MYH15: variants seen among roughly 807,000 people sequenced by gnomAD.
The protein encoded by MYH15 is myosin heavy chain 15, also known as myosin-15.
Under a neutral mutation model 240.5 loss-of-function variants are expected in MYH15, and 227 were observed. The observed-to-expected ratio is 0.94, with a 90% CI of 0.85 to 1.05. The LOEUF (loss-of-function observed/expected upper bound fraction) is 1.05, where lower values mean the gene tolerates loss of function less well. MYH15 is among the 50% of genes least tolerant of loss of function. The pLI, the probability that MYH15 is intolerant of heterozygous loss-of-function variation, is 0.00. For missense variants in MYH15, 2,217 were observed against 2,247.5 expected (o/e 0.99, Z 0.27); for synonymous variants, 785 against 796.7 (o/e 0.99, Z 0.25).
At chr3:108,423,488 A>G (rs1266247614) in intron 27 of MYH15, among the ~76,000 whole-genome samples, 1 of 152,230 alleles carries the variant, frequency 6.6e-6, no homozygotes, top group Non-Finnish European at 1.5e-5. Flanking sequence ...AGACATGCTC[A>G]ATTGTCCCCA....
chr3:108,465,113 C>CA (rs1356100835), intron 14 of MYH15, among the ~76,000 whole-genome samples: 1 of 152,066 alleles, frequency 6.6e-6, no homozygotes, highest in African/African-American at 2.4e-5. Flanking sequence ...GAAATAACTC[C>CA]AAAAAACAAA....
chr3:108,486,601 G>A (rs750846058), intron 9 of MYH15, 75 bp from the exon 10 acceptor site: 17 of 990,136 alleles, frequency 1.7e-5, no homozygotes, highest in Admixed American at 8.1e-5. Context: ...GTCAATATTC[G>A]CAGTTTAGTC....
upstream of MYH15, among the ~76,000 whole-genome samples, chr3:108,510,901 A>T (rs1238717980): frequency 1.3e-5 from 2 of 152,198 alleles, no homozygotes; most frequent in East Asian, 3.8e-4. Context: ...TGAATGATAC[A>T]TATTAATGAA....
chr3:108,529,949 G>C (rs1213046881), upstream of MYH15, among the ~76,000 whole-genome samples: 1 of 152,190 alleles, frequency 6.6e-6, no homozygotes, highest in African/African-American at 2.4e-5. Context: ...GGGAACTGCA[G>C]AGGATCCTTA....
intron 3 of MYH15, among the ~76,000 whole-genome samples, chr3:108,500,715 T>A (rs1180969655): frequency 6.6e-6 from 1 of 152,190 alleles, no homozygotes; most frequent in East Asian, 1.9e-4. Flanking sequence ...AATAGATATA[T>A]TTATGTCCTA....
intron 29 of MYH15, 139 bp from the exon 30 acceptor site, chr3:108,414,567 A>G: frequency 9.0e-6 from 6 of 664,218 alleles, no homozygotes; most frequent in Non-Finnish European, 1.5e-5. Flanking sequence ...TAGTAAGATA[A>G]CACTAGGGAG....
chr3:108,510,483 ACTT>A lies in MYH15; in HGVS notation c.45_47del (p.Arg15del), dbSNP rs1379018970. On this transcript the variant is annotated inframe_deletion, in exon 1 of 41. Coordinates refer to ENST00000693548, the MANE Select transcript of MYH15 (RefSeq NM_014981.3). The stretch of plus-strand genomic sequence containing the variant: ...CCTGTAGTAGAAGCAGCTCAGCTTC[ACTT>A]CTTCTGAGGAAGGCTGCGGCTTCTC... 7 of 1,613,584 alleles carry A rather than the reference ACTT, an allele frequency of 4.3e-6. No individual in the cohort carries two copies. The highest frequency in any genetic ancestry group is 5.9e-6 in the Non-Finnish European group (7 of 1,179,730).
chr3:108,454,157 A>G lies in MYH15; in HGVS notation c.2263-15T>C. ...TTAAAAAACACCTAAAGGAAAAGTC[A>G]GATGTTAGCTCCACTGATAATGGGT... On this transcript the variant is annotated splice_polypyrimidine_tract_variant and intron_variant, in intron 20 of 40. Coordinates refer to ENST00000693548, the MANE Select transcript of MYH15 (RefSeq NM_014981.3). The G allele has an allele frequency of 6.2e-7, 1 of 1,602,296 alleles. No homozygotes were observed. The highest frequency in any genetic ancestry group is 8.5e-7 in the Non-Finnish European group (1 of 1,171,500).
chr3:108,549,930 GA>G, the MYH15 span: 1 of 151,680 alleles, frequency 6.6e-6, no homozygotes, highest in East Asian at 1.9e-4. Context: ...ATATTTGGTT[GA>G]AAATGCATGC....
rs747025700 is a variant in MYH15, at chr3:108,456,927, A to G, written c.2021-44T>C. 11 of 1,406,104 alleles carry G rather than the reference A, an allele frequency of 7.8e-6. No individual in the cohort carries two copies. In the Admixed American group the frequency reaches 1.9e-4, roughly 24 times the overall value. The allele number at this position is 1,406,104 out of a possible 1,614,324, so 87.1% of individuals were successfully genotyped here. A position where few individuals can be genotyped will look rare whatever the true frequency, so the allele number is the denominator to read the frequency against. On this transcript the variant is annotated intron_variant, in intron 18 of 40. Transcript: ENST00000693548. ...CATGGTGGATCTGTGCCTGAAAAAA[A>G]ATTATTGGGACAGATTTTGAACCAA...
Position 108,464,676 on chromosome 3 carries a change from A to G in MYH15, c.1693T>C (p.Phe565Leu). ...LQKPKPDKKKFEAHFELVHYA... is the reference protein window; with the variant it reads ...LQKPKPDKKKLEAHFELVHYA... ...TGGACAAGTTCAAAATGAGCTTCAA[A>G]TTTCTTCTTATCAGGCTTGGGCTTC... Residue 565 changes from phenylalanine to leucine, a missense_variant, in exon 15 of 41, where the codon TTT becomes CTT. Phe to Leu is a conservative substitution (Grantham distance 22). Transcript: ENST00000693548. 1 of 1,613,570 alleles carries G rather than the reference A, an allele frequency of 6.2e-7. No homozygotes were observed. Among genetic ancestry groups the G allele is most frequent in the Non-Finnish European group, 8.5e-7 (1 of 1,179,762 alleles).
intron 31 of MYH15, among the ~76,000 whole-genome samples, chr3:108,409,113 G>A (rs534241975): frequency 6.6e-6 from 1 of 152,308 alleles, no homozygotes; most frequent in Admixed American, 6.5e-5. Flanking sequence ...GGTGGAAGGA[G>A]CTCAATAGGT....
chr3:108,471,613 G>C (rs139630686), intron 12 of MYH15, among the ~76,000 whole-genome samples: 103 of 152,122 alleles, frequency 6.8e-4, no homozygotes, highest in African/African-American at 2.4e-3. Flanking sequence ...CAAGAATCCT[G>C]TTAGGTCAAT....
At chr3:108,501,665 A>C in intron 3 of MYH15, 47 bp downstream of exon 3, 1 of 1,610,570 alleles carries the variant, frequency 6.2e-7, no homozygotes, top group Non-Finnish European at 8.5e-7. Flanking sequence ...TGGGACATGC[A>C]ATGTGACTGC....
intron 1 of MYH15, among the ~76,000 whole-genome samples, chr3:108,508,260 T>C (rs1475153740): frequency 6.6e-6 from 1 of 152,168 alleles, no homozygotes; most frequent in African/African-American, 2.4e-5. Context: ...AAACACTTAG[T>C]GGGGAATAAA....
upstream of MYH15, among the ~76,000 whole-genome samples, chr3:108,513,068 C>T (rs1264736702): frequency 1.3e-5 from 2 of 152,130 alleles, no homozygotes; most frequent in Non-Finnish European, 2.9e-5. Context: ...TATAGAATAA[C>T]ACACTTGTCA....
Position 108,505,733 on chromosome 3 carries a change from G to T in MYH15, c.185C>A (p.Ala62Glu). ...EDDGTVIVET[A>E]DGESLSIKED... is the part of the protein sequence containing the mutation. ...TAAAAATTTCTTTACCTCTCCATCT[G>T]CTGTCTCAACAATTACTGTTCCATC... The change falls in exon 2 of 41, where the codon GCA (alanine) becomes GAA (glutamate). Residue 62 changes from alanine (A) to glutamate (E), a missense_variant. Ala to Glu is a moderately radical substitution (Grantham distance 107, BLOSUM62 -1). Coordinates refer to ENST00000693548, the MANE Select transcript of MYH15 (RefSeq NM_014981.3). The T allele has an allele frequency of 6.2e-7, 1 of 1,606,198 alleles. No individual in the cohort carries two copies. Among genetic ancestry groups the T allele is most frequent in the South Asian group, 1.1e-5 (1 of 89,870 alleles).
intron 30 of MYH15, 62 bp downstream of exon 30, chr3:108,414,170 C>G: frequency 1.3e-6 from 2 of 1,529,014 alleles, no homozygotes; most frequent in East Asian, 4.5e-5. Context: ...GAGACAGAGT[C>G]ATTATTCTCA....
chr3:108,437,516 G>C, intron 25 of MYH15, 38 bp downstream of exon 25: 1 of 1,595,542 alleles, frequency 6.3e-7, no homozygotes, highest in Admixed American at 1.7e-5. Flanking sequence ...CTAATATAAG[G>C]TCTCCAGCAA....
Sources: gnomAD v4.1 joint callset for allele counts (sites outside exome capture counted in the v4.1 genomes callset) on GRCh38, gnomAD v4.1.1 for gene constraint, MANE v1.5 for transcripts, NCBI Gene and HGNC (gene_info 2026-07-23, HGNC 2026-07-21) for gene names.